MACROD2: variants seen among roughly 807,000 people sequenced by gnomAD.
MACROD2 encodes ADP-ribose glycohydrolase MACROD2.
MACROD2 carries 36 observed loss-of-function variants against 70.4 expected under a neutral mutation model. That is an observed-to-expected ratio of 0.51 (90% CI 0.39 to 0.68). MACROD2 has a LOEUF of 0.68. MACROD2 is among the 30% of genes least tolerant of loss of function. The pLI, the probability that MACROD2 is intolerant of heterozygous loss-of-function variation, is 0.00. For synonymous variants in MACROD2, 172 were observed against 178.8 expected (o/e 0.96, Z 0.30); for missense variants, 496 against 538.4 (o/e 0.92, Z 0.78).
At chr20:15,551,489 CAT>C (rs1404652991) in intron 8 of MACROD2, among the ~76,000 whole-genome samples, 2 of 152,142 alleles carry the variant, frequency 1.3e-5, no homozygotes, top group East Asian at 1.9e-4. Flanking sequence ...TGTACTAAAA[CAT>C]GTGCTCACGT....
intron 5 of MACROD2, among the ~76,000 whole-genome samples, chr20:14,862,678 AATATATATAT>A (rs1258387932): frequency 3.0e-3 from 191 of 63,066 alleles, no homozygotes; most frequent in Middle Eastern, 6.5e-3. Context: ...AATATATATA[AATATATATAT>A]AAATATATAT....
rs147021684 is a variant in MACROD2, at chr20:15,336,740, T to C, written c.541-94665T>C. On this transcript the variant is annotated intron_variant, in intron 6 of 17. Transcript: ENST00000684519. Reference sequence around the variant, plus strand: ...TGTCAGCGTGGCATCTTTCTTCCAGTGTGCCCCTCTCCTGCCCTTAAGCAT... The same window carrying C: ...TGTCAGCGTGGCATCTTTCTTCCAGCGTGCCCCTCTCCTGCCCTTAAGCAT... 4.0e-3 allele frequency among the ~76,000 whole-genome samples: 601 copies of C among 151,818 alleles called. 25 individuals are homozygous for C. Among genetic ancestry groups the C allele is most frequent in the African/African-American group, 0.014 (582 of 41,118 alleles).
intron 5 of MACROD2, among the ~76,000 whole-genome samples, chr20:15,162,578 G>A (rs1181821274): frequency 1.3e-5 from 2 of 152,082 alleles, no homozygotes; most frequent in African/African-American, 4.8e-5. Flanking sequence ...CTGTGGCTTT[G>A]TGGTTCAAAC....
chr20:15,773,565 A>G (rs2051672449), intron 8 of MACROD2, among the ~76,000 whole-genome samples: 1 of 152,182 alleles, frequency 6.6e-6, no homozygotes, highest in Non-Finnish European at 1.5e-5. Context: ...TCATCCTAAT[A>G]GCCCAAGCCC....
chr20:15,595,625 A>G (rs1338933121), intron 8 of MACROD2, among the ~76,000 whole-genome samples: 1 of 152,236 alleles, frequency 6.6e-6, no homozygotes, highest in African/African-American at 2.4e-5. Flanking sequence ...TGATATGAGG[A>G]ATATTTTAAT....
intron 3 of MACROD2, among the ~76,000 whole-genome samples, chr20:14,425,116 C>T (rs2083919124): frequency 6.6e-6 from 1 of 152,184 alleles, no homozygotes; most frequent in South Asian, 2.1e-4. Flanking sequence ...AGTATTTCAA[C>T]GCCCTCTTTT....
intron 3 of MACROD2, among the ~76,000 whole-genome samples, chr20:14,410,692 GT>G (rs912926241): frequency 2.0e-5 from 3 of 152,188 alleles, no homozygotes; most frequent in Non-Finnish European, 4.4e-5. Context: ...TAAATATGCA[GT>G]ATAGGGTATG....
chr20:14,284,933 C>G (rs912159391), intron 3 of MACROD2, among the ~76,000 whole-genome samples: 2 of 152,102 alleles, frequency 1.3e-5, no homozygotes, highest in Non-Finnish European at 2.9e-5. Context: ...TATATGGCAT[C>G]AGATAAGCTT....
intron 5 of MACROD2, among the ~76,000 whole-genome samples, chr20:14,845,830 G>C (rs1429735404): frequency 6.6e-6 from 1 of 151,970 alleles, no homozygotes; most frequent in Admixed American, 6.6e-5. Flanking sequence ...AGTCAGATTT[G>C]GCTGACTTGT....
intron 8 of MACROD2, among the ~76,000 whole-genome samples, chr20:15,637,031 A>T (rs568013997): frequency 6.6e-6 from 1 of 152,212 alleles, no homozygotes; most frequent in East Asian, 1.9e-4. Flanking sequence ...AATGCTGCAG[A>T]TAAGATTCAG....
intron 8 of MACROD2, among the ~76,000 whole-genome samples, chr20:15,764,175 A>C (rs1013472322): frequency 2.0e-5 from 3 of 152,178 alleles, no homozygotes; most frequent in African/African-American, 7.2e-5. Context: ...TGCCTTGTTA[A>C]ACTTGCCACT....
intron 3 of MACROD2, among the ~76,000 whole-genome samples, chr20:14,207,510 A>G (rs1449335534): frequency 2.0e-5 from 3 of 152,200 alleles, no homozygotes; most frequent in South Asian, 2.1e-4. Flanking sequence ...TAATGGTTTC[A>G]GTTGTTTCTG....
At chr20:15,837,254 G>A (rs1285686856) in intron 8 of MACROD2, among the ~76,000 whole-genome samples, 1 of 152,280 alleles carries the variant, frequency 6.6e-6, no homozygotes, top group African/African-American at 2.4e-5. Context: ...AGTATAATAT[G>A]CACTAAGATT....
At chr20:14,171,100 A>T (rs542982728) in intron 3 of MACROD2, among the ~76,000 whole-genome samples, 1 of 152,048 alleles carries the variant, frequency 6.6e-6, no homozygotes, top group Non-Finnish European at 1.5e-5. Flanking sequence ...GAATTTGTCC[A>T]TCTTTTCTAG....
intron 4 of MACROD2, among the ~76,000 whole-genome samples, chr20:14,544,951 G>C (rs1407601453): frequency 6.6e-6 from 1 of 152,162 alleles, no homozygotes; most frequent in Non-Finnish European, 1.5e-5. Context: ...TGAAATACAA[G>C]TGCTAACAGT....
intron 2 of MACROD2, among the ~76,000 whole-genome samples, chr20:14,058,224 C>T (rs1420002180): frequency 6.6e-6 from 1 of 151,972 alleles, no homozygotes; most frequent in Non-Finnish European, 1.5e-5. Flanking sequence ...CAATAAAACT[C>T]AAATTACGGT....
intron 3 of MACROD2, among the ~76,000 whole-genome samples, chr20:14,177,277 A>G (rs1225394600): frequency 1.3e-5 from 2 of 150,552 alleles, no homozygotes; most frequent in African/African-American, 4.9e-5. Context: ...AGACATTAAA[A>G]CCTAGTAAAA....
chr20:15,110,848 C>T (rs2075948742), intron 5 of MACROD2, among the ~76,000 whole-genome samples: 1 of 152,156 alleles, frequency 6.6e-6, no homozygotes, highest in Non-Finnish European at 1.5e-5. Flanking sequence ...ACATTGCTGC[C>T]ACCAATACTC....
intron 6 of MACROD2, among the ~76,000 whole-genome samples, chr20:15,294,102 CAA>C (rs2077565073): frequency 8.1e-6 from 1 of 123,160 alleles, no homozygotes; most frequent in Non-Finnish European, 1.7e-5. Context: ...GCCTGGGTGA[CAA>C]GAGCAAAACT....
Sources: allele counts gnomAD v4.1 joint callset (sites outside exome capture counted in the v4.1 genomes callset), GRCh38; gene constraint gnomAD v4.1.1; transcripts MANE v1.5; gene names NCBI Gene and HGNC (gene_info 2026-07-23, HGNC 2026-07-21).